PLCB4: variants seen among roughly 807,000 people sequenced by gnomAD.
PLCB4 encodes phospholipase C beta 4.
Under a neutral mutation model 178.8 loss-of-function variants are expected in PLCB4, and 77 were observed. The observed-to-expected ratio is 0.43, with a 90% CI of 0.36 to 0.52. The LOEUF (loss-of-function observed/expected upper bound fraction) is 0.52, where lower values mean the gene tolerates loss of function less well. Among genes scored for constraint, PLCB4 ranks in the 20% least tolerant of loss-of-function variants. The pLI is 0.00. For missense variants in PLCB4, 1,024 were observed against 1,453.4 expected (o/e 0.70, Z 4.80); for synonymous variants, 496 against 490.8 (o/e 1.01, Z -0.14).
In PLCB4 at chr20:9,329,313, C is replaced by T. The variant is rs576160618; in HGVS notation, c.85-7813C>T. ...TACTTTTATTAAAAGGGAAGCCTTGCCGAAGACTCCTTGTACTGACACTAT... is the reference window on the plus strand; with the variant it reads ...TACTTTTATTAAAAGGGAAGCCTTGTCGAAGACTCCTTGTACTGACACTAT... On this transcript the variant is annotated intron_variant, in intron 4 of 39. Transcript: ENST00000378473. 5.9e-5 allele frequency among the ~76,000 whole-genome samples: 9 copies of T among 152,272 alleles called. No individual in the cohort carries two copies. In the South Asian group the frequency reaches 1.9e-3, roughly 32 times the overall value.
At chr20:9,126,207 T>G (rs1281467730) in intron 2 of PLCB4, among the ~76,000 whole-genome samples, 1 of 152,200 alleles carries the variant, frequency 6.6e-6, no homozygotes, top group African/African-American at 2.4e-5. Flanking sequence ...ATTTAACAAG[T>G]TGTCTAATAT....
At chr20:9,340,695 A>G (rs2033086603) in intron 7 of PLCB4, among the ~76,000 whole-genome samples, 1 of 152,166 alleles carries the variant, frequency 6.6e-6, no homozygotes, top group South Asian at 2.1e-4. Flanking sequence ...CTTTGGGGCC[A>G]CATTGCCTGG....
chr20:9,272,656 A>G (rs1468284614), intron 3 of PLCB4, among the ~76,000 whole-genome samples: 1 of 152,146 alleles, frequency 6.6e-6, no homozygotes, highest in African/African-American at 2.4e-5. Flanking sequence ...GTAAGCTACC[A>G]GAGCTCTCCC....
chr20:9,188,890 T>C (rs201419252), intron 2 of PLCB4, among the ~76,000 whole-genome samples: 1,613 of 55,120 alleles, frequency 0.029, 14 homozygotes, highest in Admixed American at 0.037. Flanking sequence ...TAATTGTTCA[T>C]TGTGGAGGGC....
At chr20:9,151,730 G>C (rs1387536259) in intron 2 of PLCB4, among the ~76,000 whole-genome samples, 6 of 152,092 alleles carry the variant, frequency 3.9e-5, no homozygotes, top group Admixed American at 3.9e-4. Context: ...CAGTAGAGTG[G>C]GGCGTTGCTG....
chr20:9,156,085 A>T (rs1461476265), intron 2 of PLCB4, among the ~76,000 whole-genome samples: 1 of 152,286 alleles, frequency 6.6e-6, no homozygotes, highest in Middle Eastern at 3.4e-3. Context: ...ACACTTAAAA[A>T]ATTATGATGG....
intron 2 of PLCB4, among the ~76,000 whole-genome samples, chr20:9,173,999 T>A (rs1167410474): frequency 6.6e-6 from 1 of 152,228 alleles, no homozygotes; most frequent in African/African-American, 2.4e-5. Context: ...AAAAAACTGA[T>A]TCTCCCCCTT....
intron 24 of PLCB4, 116 bp from the exon 25 acceptor site, chr20:9,410,921 T>C (rs1258673104): frequency 2.9e-6 from 2 of 700,876 alleles, no homozygotes; most frequent in Admixed American, 4.5e-5. Context: ...CCTTGTAGTA[T>C]TAAAGAGGGA....
At chr20:9,191,395 C>T (rs1433610191) in intron 2 of PLCB4, among the ~76,000 whole-genome samples, 1 of 123,872 alleles carries the variant, frequency 8.1e-6, no homozygotes, top group Non-Finnish European at 1.6e-5. Context: ...TGTAGGGACA[C>T]AGTGTTCAAG....
chr20:9,213,209 A>C (rs1401723696), intron 2 of PLCB4, among the ~76,000 whole-genome samples: 1 of 126,778 alleles, frequency 7.9e-6, no homozygotes, highest in Non-Finnish European at 1.5e-5. Flanking sequence ...GTGCAGTGCA[A>C]TCTCGGCTCA....
intron 3 of PLCB4, among the ~76,000 whole-genome samples, chr20:9,226,753 G>C (rs534267858): frequency 6.6e-6 from 1 of 151,988 alleles, no homozygotes; most frequent in Non-Finnish European, 1.5e-5. Context: ...TCTTTCTTCT[G>C]TACAAGTAGA....
chr20:9,307,319 A>T (rs1449061177), intron 3 of PLCB4, among the ~76,000 whole-genome samples: 1 of 152,110 alleles, frequency 6.6e-6, no homozygotes, highest in Non-Finnish European at 1.5e-5. Context: ...GCTATAAAAA[A>T]TTCTGGCTAT....
At chr20:9,317,649 T>C (rs2094913427) in intron 4 of PLCB4, among the ~76,000 whole-genome samples, 1 of 152,074 alleles carries the variant, frequency 6.6e-6, no homozygotes, top group Admixed American at 6.6e-5. Context: ...GACAGGGAAA[T>C]CTGGGGTCCC....
At chr20:9,335,787 C>A (rs67335216) in intron 4 of PLCB4, among the ~76,000 whole-genome samples, 7,931 of 152,180 alleles carry the variant, frequency 0.052, 237 homozygotes, top group Middle Eastern at 0.099. Flanking sequence ...TTATACCATG[C>A]CCTTTCCTTT....
At chr20:9,149,977 A>G (rs557321716) in intron 2 of PLCB4, among the ~76,000 whole-genome samples, 193 of 152,294 alleles carry the variant, frequency 1.3e-3, no homozygotes, top group Middle Eastern at 6.8e-3. Context: ...GATGTTGACC[A>G]TTGGAGGCAG....
At chr20:9,217,301 T>G (rs991042597) in intron 2 of PLCB4, 89 bp from the exon 3 acceptor site, 2 of 152,134 alleles carry the variant, frequency 1.3e-5, no homozygotes, top group African/African-American at 4.8e-5. Context: ...TTACATTAGA[T>G]TCTGATTTTG....
Position 9,340,499 on chromosome 20 carries a change from AAG to A in PLCB4, c.369+1465_369+1466del, listed in dbSNP as rs1338943279. Among the ~76,000 whole-genome samples, 3 of 152,146 alleles carry A rather than the reference AAG, an allele frequency of 2.0e-5. No homozygotes were observed. The East Asian group carries it at 5.8e-4, about 29-fold the overall frequency. On this transcript the variant is annotated intron_variant, in intron 7 of 39. Transcript: ENST00000378473. Reference sequence around the variant, plus strand: ...CAGAAGTGGATGCTCGATGTCACATAAGAGTGTTTGGTTCTGTCCTTATTGTG... The same window carrying A: ...CAGAAGTGGATGCTCGATGTCACATAAGTGTTTGGTTCTGTCCTTATTGTG...
chr20:9,129,314 A>G (rs575500087), intron 2 of PLCB4, among the ~76,000 whole-genome samples: 1 of 152,104 alleles, frequency 6.6e-6, no homozygotes, highest in African/African-American at 2.4e-5. Context: ...GTGTATAACT[A>G]TACCAGGTCC....
At chr20:9,332,060 T>C (rs2031751898) in intron 4 of PLCB4, among the ~76,000 whole-genome samples, 1 of 152,244 alleles carries the variant, frequency 6.6e-6, no homozygotes, top group Non-Finnish European at 1.5e-5. Context: ...TTTTAACTAA[T>C]ATGAGAATTA....
Sources: gnomAD v4.1 joint callset for allele counts (sites outside exome capture counted in the v4.1 genomes callset) on GRCh38, gnomAD v4.1.1 for gene constraint, MANE v1.5 for transcripts, NCBI Gene and HGNC (gene_info 2026-07-23, HGNC 2026-07-21) for gene names.